The following TNR variants were observed in gnomAD, a reference collection of about 807,000 sequenced individuals.
TNR encodes tenascin R, also known as tenascin-R.
TNR carries 45 observed loss-of-function variants against 150.4 expected under a neutral mutation model. The ratio of observed to expected loss-of-function variants is 0.30; its 90% CI spans 0.24 to 0.38. The LOEUF (loss-of-function observed/expected upper bound fraction) is 0.38, where lower values mean the gene tolerates loss of function less well. Among genes scored for constraint, TNR ranks in the 10% least tolerant of loss-of-function variants. TNR has a pLI of 1.00. For synonymous variants in TNR, 687 were observed against 678.4 expected (o/e 1.01, Z -0.20); for missense variants, 1,544 against 1,759.1 (o/e 0.88, Z 2.19).
At chr1:175,516,277 A>G (rs1358115914) in intron 2 of TNR, among the ~76,000 whole-genome samples, 1 of 152,166 alleles carries the variant, frequency 6.6e-6, no homozygotes, top group African/African-American at 2.4e-5. Context: ...TTGTAATTTT[A>G]TTAAAGGGGG....
Position 175,617,788 on chromosome 1 carries a change from T to C in TNR, c.-164-89419A>G, listed in dbSNP as rs531448004. On this transcript the variant is annotated intron_variant, in intron 1 of 22. Coordinates refer to ENST00000367674, the MANE Select transcript of TNR (RefSeq NM_003285.3). ...GAGAATAATAGTAATAGTTAATAAC[T>C]ACACAACATCTTTTTTTATTTCACA... Among the ~76,000 whole-genome samples the C allele has an allele frequency of 5.3e-5, 8 of 152,362 alleles. No homozygotes were observed. In the South Asian group the frequency reaches 1.4e-3, roughly 28 times the overall value.
chr1:175,695,651 C>G (rs1176673872), intron 1 of TNR, among the ~76,000 whole-genome samples: 1 of 152,190 alleles, frequency 6.6e-6, no homozygotes, highest in African/African-American at 2.4e-5. Context: ...TGTACCCCTA[C>G]ATTCTTCCTT....
intron 2 of TNR, among the ~76,000 whole-genome samples, chr1:175,489,429 G>T (rs1658150601): frequency 6.6e-6 from 1 of 152,200 alleles, no homozygotes; most frequent in African/African-American, 2.4e-5. Context: ...TCTGTACAAA[G>T]AATTTGATCA....
intron 2 of TNR, among the ~76,000 whole-genome samples, chr1:175,458,466 A>C (rs955794226): frequency 6.6e-6 from 1 of 152,264 alleles, no homozygotes; most frequent in African/African-American, 2.4e-5. Flanking sequence ...AATAATAATT[A>C]ACGCAATATA....
At chr1:175,513,045 A>C (rs112470296) in intron 2 of TNR, among the ~76,000 whole-genome samples, 1,892 of 152,312 alleles carry the variant, frequency 0.012, 46 homozygotes, top group African/African-American at 0.042. Flanking sequence ...ACTGAATCTG[A>C]ATCGCCTAGG....
At chr1:175,368,076 T>G (rs1477786259) in intron 9 of TNR, among the ~76,000 whole-genome samples, 1 of 152,226 alleles carries the variant, frequency 6.6e-6, no homozygotes, top group Non-Finnish European at 1.5e-5. Context: ...TTCTCTAGGT[T>G]CTCTCCTTGA....
At chr1:175,590,196 A>T (rs1041651432) in intron 1 of TNR, among the ~76,000 whole-genome samples, 2 of 152,200 alleles carry the variant, frequency 1.3e-5, no homozygotes, top group African/African-American at 4.8e-5. Context: ...AGAGGTAAGT[A>T]TGGGAGATGA....
chr1:175,578,177 C>T (rs1181452236), intron 1 of TNR, among the ~76,000 whole-genome samples: 1 of 152,056 alleles, frequency 6.6e-6, no homozygotes. Flanking sequence ...TTAGTAGGTT[C>T]CACTTGTCAA....
chr1:175,582,838 T>C (rs1170719825), intron 1 of TNR, among the ~76,000 whole-genome samples: 2 of 152,136 alleles, frequency 1.3e-5, no homozygotes, highest in Non-Finnish European at 2.9e-5. Context: ...TCCACCCTTA[T>C]GAATGGATTA....
intron 1 of TNR, among the ~76,000 whole-genome samples, chr1:175,701,144 C>T (rs1666683210): frequency 6.6e-6 from 1 of 152,180 alleles, no homozygotes; most frequent in East Asian, 1.9e-4. Context: ...CCAGTTATTC[C>T]CCTCCTCAAC....
chr1:175,685,752 T>C lies in TNR; in HGVS notation c.-165+57474A>G, dbSNP rs182670061. 4.9e-3 allele frequency among the ~76,000 whole-genome samples: 738 copies of C among 151,992 alleles called. 3 individuals are homozygous for C. Among genetic ancestry groups the C allele is most frequent in the Non-Finnish European group, 7.7e-3 (524 of 67,966 alleles). ...CCTAGTTTTCTCAGGTCCCAAATCA[T>C]CCCCCCAAACATCTCCCTCTGCAAA... is the stretch of plus-strand genomic sequence containing the variant. On this transcript the variant is annotated intron_variant, in intron 1 of 22. Transcript: ENST00000367674.
intron 1 of TNR, among the ~76,000 whole-genome samples, chr1:175,656,835 G>A (rs1388879799): frequency 6.6e-6 from 1 of 152,132 alleles, no homozygotes; most frequent in Non-Finnish European, 1.5e-5. Context: ...TTTTGTGTGT[G>A]TGGTGTGTGC....
At chr1:175,457,461 G>A (rs1040835212) in intron 2 of TNR, among the ~76,000 whole-genome samples, 2 of 152,224 alleles carry the variant, frequency 1.3e-5, no homozygotes, top group Non-Finnish European at 2.9e-5. Context: ...GGCCAAGCCA[G>A]CCTGTCTGGT....
rs1423376211 is a variant in TNR, at chr1:175,438,630, C to T, written c.-63-31853G>A. On this transcript the variant is annotated intron_variant, in intron 2 of 22. Coordinates refer to ENST00000367674, the MANE Select transcript of TNR (RefSeq NM_003285.3). ...GACATGATTGTATATCTAGAAACCA[C>T]ATTGTCTCAGCCCAAAATCTCCTTA... is the stretch of plus-strand genomic sequence containing the variant. Among the ~76,000 whole-genome samples the T allele has an allele frequency of 6.0e-4, 91 of 152,212 alleles. 1 individual carries two copies. The highest frequency in any genetic ancestry group is 8.8e-5 in the Non-Finnish European group (6 of 68,038).
At chr1:175,385,039 C>A (rs1652856974) in intron 8 of TNR, among the ~76,000 whole-genome samples, 1 of 152,206 alleles carries the variant, frequency 6.6e-6, no homozygotes, top group Non-Finnish European at 1.5e-5. Flanking sequence ...GATTCTCCAA[C>A]TTTATCCCAT....
At chr1:175,702,593 T>C (rs900983665) in intron 1 of TNR, among the ~76,000 whole-genome samples, 1 of 152,174 alleles carries the variant, frequency 6.6e-6, no homozygotes. Context: ...ACACTGGAAA[T>C]AGTTCTACCT....
chr1:175,606,726 C>G (rs899266620), intron 1 of TNR, among the ~76,000 whole-genome samples: 2 of 152,148 alleles, frequency 1.3e-5, no homozygotes, highest in African/African-American at 4.8e-5. Context: ...CTCTCTGTGC[C>G]CAGTTATCCT....
intron 2 of TNR, among the ~76,000 whole-genome samples, chr1:175,482,028 C>T (rs1295017715): frequency 6.6e-6 from 1 of 152,208 alleles, no homozygotes; most frequent in East Asian, 1.9e-4. Flanking sequence ...TGTCACACTA[C>T]ACACCAACCG....
At chr1:175,334,500 T>C (rs1321055279) in intron 20 of TNR, among the ~76,000 whole-genome samples, 1 of 152,212 alleles carries the variant, frequency 6.6e-6, no homozygotes, top group Non-Finnish European at 1.5e-5. Flanking sequence ...TTTGTGACTT[T>C]CCTAGTTGCT....
Sources: allele counts gnomAD v4.1 joint callset (sites outside exome capture counted in the v4.1 genomes callset), GRCh38; gene constraint gnomAD v4.1.1; transcripts MANE v1.5; gene names NCBI Gene and HGNC (gene_info 2026-07-23, HGNC 2026-07-21).